MOXD1: variants seen among roughly 807,000 people sequenced by gnomAD.
MOXD1 encodes monooxygenase DBH like 1.
A neutral mutation model predicts 66.6 loss-of-function variants in MOXD1; 62 were observed. That is an observed-to-expected ratio of 0.93 (90% CI 0.76 to 1.15). The LOEUF is 1.15. MOXD1 is among the 50% of genes most tolerant of loss of function. The probability of loss-of-function intolerance (pLI) is 0.00; values close to 1 mark genes in which losing one functional copy is unlikely to be tolerated. For missense variants in MOXD1, 847 were observed against 754.6 expected (o/e 1.12, Z -1.44); for synonymous variants, 303 against 281.9 (o/e 1.07, Z -0.75).
At chr6:132,343,550 G>C (rs1429172973) in intron 4 of MOXD1, among the ~76,000 whole-genome samples, 1 of 151,934 alleles carries the variant, frequency 6.6e-6, no homozygotes, top group African/African-American at 2.4e-5. Context: ...ACTCCAGCCT[G>C]GTCAACAGAG....
At chr6:132,339,720 A>C (rs1775510034) in intron 4 of MOXD1, among the ~76,000 whole-genome samples, 1 of 150,462 alleles carries the variant, frequency 6.6e-6, no homozygotes, top group Non-Finnish European at 1.5e-5. Context: ...ATGGTAGCTA[A>C]AAGCTATCCT....
intron 4 of MOXD1, among the ~76,000 whole-genome samples, chr6:132,364,939 T>C (rs1358238744): frequency 1.3e-5 from 2 of 152,152 alleles, no homozygotes; most frequent in South Asian, 2.1e-4. Context: ...CTGTAGGCCA[T>C]GGTACAACCA....
chr6:132,360,077 A>G (rs1775986641), intron 4 of MOXD1, among the ~76,000 whole-genome samples: 1 of 152,234 alleles, frequency 6.6e-6, no homozygotes, highest in Non-Finnish European at 1.5e-5. Flanking sequence ...GGTTGTATCA[A>G]GTATTCTTTG....
At chr6:132,345,673 A>G (rs1775654847) in intron 4 of MOXD1, among the ~76,000 whole-genome samples, 1 of 152,116 alleles carries the variant, frequency 6.6e-6, no homozygotes, top group African/African-American at 2.4e-5. Context: ...ATCTCCTCTT[A>G]TTTTTTAATG....
At chr6:132,374,486 TAAA>T (rs10557781) in intron 2 of MOXD1, 142 bp downstream of exon 2, 6 of 840,178 alleles carry the variant, frequency 7.1e-6, no homozygotes, top group Admixed American at 4.1e-5. Context: ...AAGAAAAAAC[TAAA>T]AAAAAAACTA....
intron 1 of MOXD1, among the ~76,000 whole-genome samples, chr6:132,388,637 G>A (rs564682437): frequency 5.7e-4 from 86 of 151,476 alleles, no homozygotes; most frequent in African/African-American, 1.9e-3. Flanking sequence ...GGAGAGGAAA[G>A]GGAAGGGAAG....
intron 4 of MOXD1, among the ~76,000 whole-genome samples, chr6:132,359,145 G>T (rs571227611): frequency 6.6e-6 from 1 of 151,436 alleles, no homozygotes; most frequent in African/African-American, 2.4e-5. Flanking sequence ...TCTGAGGCAG[G>T]ATCTTGCTCT....
chr6:132,329,551 C>T (rs559830764), intron 4 of MOXD1, among the ~76,000 whole-genome samples: 23 of 151,980 alleles, frequency 1.5e-4, no homozygotes, highest in Non-Finnish European at 2.9e-4. Flanking sequence ...TTTACCCATC[C>T]CTACCAGTGG....
intron 4 of MOXD1, among the ~76,000 whole-genome samples, chr6:132,370,260 C>A (rs963359705): frequency 6.6e-6 from 1 of 151,860 alleles, no homozygotes; most frequent in African/African-American, 2.4e-5. Context: ...ATCCTCTCTA[C>A]TAGAAAAAAG....
intron 4 of MOXD1, among the ~76,000 whole-genome samples, chr6:132,349,472 T>C (rs1345363026): frequency 2.0e-4 from 8 of 40,032 alleles, no homozygotes; most frequent in African/African-American, 6.0e-4. Flanking sequence ...TATACATATA[T>C]ATATATATAC....
At chr6:132,310,346 C>A (rs578220586) in intron 10 of MOXD1, among the ~76,000 whole-genome samples, 1 of 152,294 alleles carries the variant, frequency 6.6e-6, no homozygotes, top group South Asian at 2.1e-4. Context: ...CAGGTAACAA[C>A]AGATGCTGGC....
intron 10 of MOXD1, among the ~76,000 whole-genome samples, chr6:132,298,365 C>T (rs1016862038): frequency 2.0e-5 from 3 of 152,056 alleles, no homozygotes; most frequent in African/African-American, 7.2e-5. Context: ...TCTACAGAGT[C>T]TCACAATTCT....
intron 1 of MOXD1, among the ~76,000 whole-genome samples, chr6:132,377,986 C>T (rs183036264): frequency 1.2e-4 from 18 of 151,918 alleles, no homozygotes; most frequent in African/African-American, 2.2e-4. Flanking sequence ...AAACTAGCCG[C>T]GCGTGGTGGC....
intron 4 of MOXD1, among the ~76,000 whole-genome samples, chr6:132,330,854 C>T (rs1775302879): frequency 6.6e-6 from 1 of 152,162 alleles, no homozygotes; most frequent in Non-Finnish European, 1.5e-5. Context: ...TGGGTCGTGT[C>T]TGAATGGGCA....
At chr6:132,399,583 G>A (rs1776974549) in intron 1 of MOXD1, among the ~76,000 whole-genome samples, 1 of 152,124 alleles carries the variant, frequency 6.6e-6, no homozygotes, top group East Asian at 1.9e-4. Flanking sequence ...TCTACTCACG[G>A]CTTTTCATTT....
chr6:132,374,552 T>A, intron 2 of MOXD1, 79 bp downstream of exon 2: 1 of 1,223,138 alleles, frequency 8.2e-7, no homozygotes, highest in Non-Finnish European at 1.1e-6. Context: ...ATATGACTTG[T>A]TTCTCTTATT....
intron 4 of MOXD1, among the ~76,000 whole-genome samples, chr6:132,354,945 C>T (rs1775883683): frequency 6.6e-6 from 1 of 152,088 alleles, no homozygotes. Flanking sequence ...GGAAAACCAA[C>T]AGTCACAGGC....
At chr6:132,332,941 T>G (rs770189656) in intron 4 of MOXD1, among the ~76,000 whole-genome samples, 1 of 152,150 alleles carries the variant, frequency 6.6e-6, no homozygotes, top group Non-Finnish European at 1.5e-5. Context: ...AACCCGACTT[T>G]CTGATGTGCT....
chr6:132,309,220 C>A (rs1042242892), intron 10 of MOXD1, among the ~76,000 whole-genome samples: 9 of 152,070 alleles, frequency 5.9e-5, no homozygotes, highest in Non-Finnish European at 1.3e-4. Flanking sequence ...TTCCTTTACA[C>A]CAACAATAGA....
Sources: gnomAD v4.1 joint callset for allele counts (sites outside exome capture counted in the v4.1 genomes callset) on GRCh38, gnomAD v4.1.1 for gene constraint, MANE v1.5 for transcripts, NCBI Gene and HGNC (gene_info 2026-07-23, HGNC 2026-07-21) for gene names.